Variants in PPM1L observed in about 807,000 individuals in gnomAD.
PPM1L encodes the protein protein phosphatase 1L.
In PPM1L, 13 loss-of-function variants were observed where a neutral mutation model predicts 31.4. The ratio of observed to expected loss-of-function variants is 0.41; its 90% CI spans 0.27 to 0.66. PPM1L has a LOEUF of 0.66. PPM1L is among the 30% of genes least tolerant of loss of function. The probability of loss-of-function intolerance (pLI) is 0.29; values close to 1 mark genes in which losing one functional copy is unlikely to be tolerated. For synonymous variants in PPM1L, 184 were observed against 175.4 expected (o/e 1.05, Z -0.39); for missense variants, 326 against 453.7 (o/e 0.72, Z 2.56).
At chr3:160,869,636 T>C (rs1712228065) in intron 1 of PPM1L, among the ~76,000 whole-genome samples, 1 of 151,578 alleles carries the variant, frequency 6.6e-6, no homozygotes, top group Admixed American at 6.6e-5. Context: ...ATTTCAGAGA[T>C]GTTAAAATGT....
At chr3:160,828,717 C>T (rs1713425478) in intron 1 of PPM1L, among the ~76,000 whole-genome samples, 2 of 151,942 alleles carry the variant, frequency 1.3e-5, no homozygotes, top group South Asian at 4.2e-4. Flanking sequence ...TCTTGCGTCT[C>T]CTGCATTATT....
intron 1 of PPM1L, among the ~76,000 whole-genome samples, chr3:160,770,415 A>G (rs886070847): frequency 6.6e-6 from 1 of 152,210 alleles, no homozygotes; most frequent in Non-Finnish European, 1.5e-5. Flanking sequence ...TTCTTTACTG[A>G]TATAGTGAAA....
chr3:160,978,817 A>ACCTT (rs1716697388), intron 2 of PPM1L, among the ~76,000 whole-genome samples: 2 of 151,104 alleles, frequency 1.3e-5, no homozygotes, highest in Non-Finnish European at 3.0e-5. Flanking sequence ...GTGACAGAGC[A>ACCTT]AGACCCAGTT....
chr3:160,926,760 C>G (rs1223198057), intron 1 of PPM1L, among the ~76,000 whole-genome samples: 1 of 152,158 alleles, frequency 6.6e-6, no homozygotes, highest in Non-Finnish European at 1.5e-5. Context: ...AGTCAAGATA[C>G]TAAGCCACAG....
chr3:160,780,550 G>A (rs1031572011), intron 1 of PPM1L, among the ~76,000 whole-genome samples: 1 of 152,186 alleles, frequency 6.6e-6, no homozygotes, highest in Non-Finnish European at 1.5e-5. Flanking sequence ...GGAGTGGTGA[G>A]GAAGGGAAAT....
chr3:161,047,277 G>T (rs1719113476), intron 2 of PPM1L, among the ~76,000 whole-genome samples: 1 of 152,130 alleles, frequency 6.6e-6, no homozygotes, highest in South Asian at 2.1e-4. Context: ...AAAATCACAA[G>T]CATTCTTATA....
At chr3:160,900,262 A>C (rs529322384) in intron 1 of PPM1L, among the ~76,000 whole-genome samples, 175 of 152,238 alleles carry the variant, frequency 1.1e-3, no homozygotes, top group African/African-American at 3.9e-3. Flanking sequence ...CAATTTTACC[A>C]ACAAACATTT....
intron 2 of PPM1L, among the ~76,000 whole-genome samples, chr3:161,015,003 A>C (rs1233246672): frequency 1.3e-5 from 2 of 151,560 alleles, no homozygotes; most frequent in East Asian, 3.9e-4. Flanking sequence ...TTTGCTATTA[A>C]ATGGGAAAAG....
intron 2 of PPM1L, among the ~76,000 whole-genome samples, chr3:160,971,489 A>G (rs1716341504): frequency 6.6e-6 from 1 of 152,200 alleles, no homozygotes; most frequent in Non-Finnish European, 1.5e-5. Context: ...GTAAAAACAG[A>G]CAACTAGAGT....
intron 2 of PPM1L, among the ~76,000 whole-genome samples, chr3:161,000,141 C>T (rs1305085549): frequency 1.3e-5 from 2 of 152,144 alleles, no homozygotes; most frequent in Non-Finnish European, 2.9e-5. Flanking sequence ...TCACAAGTTC[C>T]ATTTTGGACT....
chr3:160,957,588 T>TTC (rs1715816953), intron 1 of PPM1L, among the ~76,000 whole-genome samples: 1 of 150,604 alleles, frequency 6.6e-6, no homozygotes, highest in Admixed American at 6.6e-5. Flanking sequence ...TTTTTTTTTT[T>TTC]TTTTTTTGAG....
chr3:160,933,943 A>G (rs1437869942), intron 1 of PPM1L, among the ~76,000 whole-genome samples: 1 of 152,242 alleles, frequency 6.6e-6, no homozygotes, highest in Non-Finnish European at 1.5e-5. Flanking sequence ...GGATATTTCA[A>G]CCTAATAGTG....
At chr3:160,828,071 G>A (rs549818110) in intron 1 of PPM1L, among the ~76,000 whole-genome samples, 2 of 151,970 alleles carry the variant, frequency 1.3e-5, no homozygotes, top group South Asian at 2.1e-4. Context: ...CCCTCATGAC[G>A]CAAACACCTC....
At chr3:161,058,625 G>A (rs539868638) in intron 2 of PPM1L, among the ~76,000 whole-genome samples, 39 of 152,074 alleles carry the variant, frequency 2.6e-4, no homozygotes, top group African/African-American at 6.7e-4. Context: ...TGGGGTGGGC[G>A]TGAAGGATAA....
At chr3:161,050,931 G>T (rs1235043082) in intron 2 of PPM1L, among the ~76,000 whole-genome samples, 1 of 152,112 alleles carries the variant, frequency 6.6e-6, no homozygotes. Flanking sequence ...TCTTTGTTTT[G>T]AAAGTGAATT....
intron 1 of PPM1L, among the ~76,000 whole-genome samples, chr3:160,959,291 A>G (rs1326448732): frequency 6.8e-6 from 1 of 146,872 alleles, no homozygotes; most frequent in Non-Finnish European, 1.5e-5. Flanking sequence ...CTTTGGGGAC[A>G]TAAGGGGGAG....
At chr3:161,043,304 T>A (rs1363843941) in intron 2 of PPM1L, among the ~76,000 whole-genome samples, 1 of 152,108 alleles carries the variant, frequency 6.6e-6, no homozygotes, top group African/African-American at 2.4e-5. Flanking sequence ...GCCATCCACA[T>A]GTTATGCAGT....
chr3:160,903,704 C>T (rs1446564910), intron 1 of PPM1L, among the ~76,000 whole-genome samples: 1 of 151,816 alleles, frequency 6.6e-6, no homozygotes, highest in African/African-American at 2.4e-5. Flanking sequence ...AGGCACTGTG[C>T]TAGGTATGTG....
chr3:160,906,774 GA>G (rs1339213435), intron 1 of PPM1L, among the ~76,000 whole-genome samples: 1 of 152,146 alleles, frequency 6.6e-6, no homozygotes, highest in Non-Finnish European at 1.5e-5. Context: ...GTTGTTGGCA[GA>G]AAAAATTTAA....
Sources: gnomAD v4.1 joint callset for allele counts (sites outside exome capture counted in the v4.1 genomes callset) on GRCh38, gnomAD v4.1.1 for gene constraint, MANE v1.5 for transcripts, NCBI Gene and HGNC (gene_info 2026-07-23, HGNC 2026-07-21) for gene names.